Variants in CADM2 observed in about 807,000 individuals in gnomAD.
CADM2 encodes the protein immunoglobulin superfamily member 4D.
In CADM2, 12 loss-of-function variants were observed where a neutral mutation model predicts 49.8. The observed-to-expected ratio is 0.24, with a 90% CI of 0.15 to 0.39. The LOEUF (loss-of-function observed/expected upper bound fraction) is 0.39. Among genes scored for constraint, CADM2 ranks in the 10% least tolerant of loss-of-function variants. The pLI, the probability that CADM2 is intolerant of heterozygous loss-of-function variation, is 1.00. For synonymous variants in CADM2, 214 were observed against 175.4 expected (o/e 1.22, Z -1.74); for missense variants, 378 against 492.3 (o/e 0.77, Z 2.20).
intron 1 of CADM2, among the ~76,000 whole-genome samples, chr3:85,172,663 T>A (rs2040658759): frequency 6.6e-6 from 1 of 151,722 alleles, no homozygotes; most frequent in South Asian, 2.1e-4. Context: ...GTTTGAATTG[T>A]TTTCTCTAAG....
chr3:85,279,997 G>A (rs1037084602), intron 1 of CADM2, among the ~76,000 whole-genome samples: 8 of 151,550 alleles, frequency 5.3e-5, no homozygotes, highest in African/African-American at 1.9e-4. Flanking sequence ...TTTACTCATT[G>A]TTTCTTTTGT....
intron 1 of CADM2, among the ~76,000 whole-genome samples, chr3:85,681,841 C>T (rs1039637783): frequency 1.3e-4 from 19 of 151,974 alleles, no homozygotes; most frequent in Admixed American, 9.8e-4. Context: ...TGAATAATTT[C>T]AGGTTAAAAT....
chr3:85,124,152 C>G (rs2038953491), intron 1 of CADM2, among the ~76,000 whole-genome samples: 1 of 152,106 alleles, frequency 6.6e-6, no homozygotes, highest in Non-Finnish European at 1.5e-5. Context: ...GATAGGGGCA[C>G]AATATTCCTT....
intron 1 of CADM2, among the ~76,000 whole-genome samples, chr3:85,525,562 A>G (rs1035254103): frequency 1.3e-5 from 2 of 152,168 alleles, no homozygotes; most frequent in African/African-American, 4.8e-5. Flanking sequence ...TGGAGGCAGC[A>G]TATAGTTAGT....
At chr3:85,741,517 A>C (rs1412994747) in intron 2 of CADM2, among the ~76,000 whole-genome samples, 1 of 151,964 alleles carries the variant, frequency 6.6e-6, no homozygotes, top group Non-Finnish European at 1.5e-5. Flanking sequence ...AAAATACAAA[A>C]ATTAGCTGGG....
intron 1 of CADM2, among the ~76,000 whole-genome samples, chr3:85,224,843 A>G (rs953221613): frequency 6.6e-6 from 1 of 152,166 alleles, no homozygotes; most frequent in Non-Finnish European, 1.5e-5. Flanking sequence ...TCCCAACACC[A>G]TTTATTAAAT....
intron 1 of CADM2, among the ~76,000 whole-genome samples, chr3:85,150,864 G>A (rs990645231): frequency 9.2e-5 from 14 of 151,636 alleles, no homozygotes; most frequent in Non-Finnish European, 1.8e-4. Context: ...AGCTGATATC[G>A]CACCATTGCA....
At chr3:85,459,652 C>T (rs1471311003) in intron 1 of CADM2, among the ~76,000 whole-genome samples, 1 of 152,168 alleles carries the variant, frequency 6.6e-6, no homozygotes, top group Non-Finnish European at 1.5e-5. Flanking sequence ...TTATGATTTT[C>T]CTTCTCTTAC....
chr3:86,016,893 C>A (rs987797391), intron 8 of CADM2, among the ~76,000 whole-genome samples: 1 of 151,694 alleles, frequency 6.6e-6, no homozygotes, highest in African/African-American at 2.4e-5. Flanking sequence ...ACTTTAAATT[C>A]AACAAAAGAA....
chr3:85,334,536 T>G (rs1032992111), intron 1 of CADM2, among the ~76,000 whole-genome samples: 18 of 151,600 alleles, frequency 1.2e-4, no homozygotes, highest in Non-Finnish European at 2.7e-4. Flanking sequence ...TGTTCAACAA[T>G]GACTGATAGT....
At chr3:85,984,518 A>G (rs913374318) in intron 8 of CADM2, among the ~76,000 whole-genome samples, 1 of 151,806 alleles carries the variant, frequency 6.6e-6, no homozygotes, top group African/African-American at 2.4e-5. Context: ...TAATTTTTAA[A>G]TAAGAATTTA....
intron 3 of CADM2, among the ~76,000 whole-genome samples, chr3:85,852,528 G>A (rs544447168): frequency 1.3e-5 from 2 of 152,044 alleles, no homozygotes; most frequent in East Asian, 3.9e-4. Flanking sequence ...CTTCAAAAAA[G>A]TCATGAATTT....
At chr3:85,679,254 T>A (rs565606402) in intron 1 of CADM2, among the ~76,000 whole-genome samples, 2 of 152,120 alleles carry the variant, frequency 1.3e-5, no homozygotes, top group African/African-American at 4.8e-5. Context: ...TAAACTGAAA[T>A]TTAATGAAAA....
intron 5 of CADM2, among the ~76,000 whole-genome samples, chr3:85,894,956 T>C (rs1715015552): frequency 6.6e-6 from 1 of 152,212 alleles, no homozygotes; most frequent in African/African-American, 2.4e-5. Flanking sequence ...AGGGCCCTCA[T>C]GGAGAACTTC....
At chr3:85,670,665 G>T (rs554715990) in intron 1 of CADM2, among the ~76,000 whole-genome samples, 1 of 152,102 alleles carries the variant, frequency 6.6e-6, no homozygotes, top group African/African-American at 2.4e-5. Flanking sequence ...AACATAAAAA[G>T]ATTTTAACAT....
intron 1 of CADM2, among the ~76,000 whole-genome samples, chr3:85,089,374 A>G (rs1207116466): frequency 3.3e-5 from 5 of 152,130 alleles, no homozygotes; most frequent in Admixed American, 3.3e-4. Flanking sequence ...ACAGAACTAC[A>G]ATGAAGTAAT....
intron 1 of CADM2, among the ~76,000 whole-genome samples, chr3:85,207,172 T>A (rs945369403): frequency 6.6e-6 from 1 of 152,100 alleles, no homozygotes; most frequent in African/African-American, 2.4e-5. Flanking sequence ...AAACATGTTT[T>A]AATGCAAATG....
intron 1 of CADM2, among the ~76,000 whole-genome samples, chr3:84,978,400 A>G (rs994544506): frequency 6.6e-6 from 1 of 152,144 alleles, no homozygotes; most frequent in Admixed American, 6.6e-5. Flanking sequence ...AGCTTCCTAC[A>G]GTGAACAGAA....
At chr3:85,369,754 A>C (rs928475406) in intron 1 of CADM2, among the ~76,000 whole-genome samples, 1 of 152,210 alleles carries the variant, frequency 6.6e-6, no homozygotes, top group Non-Finnish European at 1.5e-5. Flanking sequence ...TTAAAGAGGC[A>C]TAGAAAAGTG....
Sources: allele counts gnomAD v4.1 joint callset (sites outside exome capture counted in the v4.1 genomes callset), GRCh38; gene constraint gnomAD v4.1.1; transcripts MANE v1.5; gene names NCBI Gene and HGNC (gene_info 2026-07-23, HGNC 2026-07-21).